Variants in PTPRC observed in about 807,000 individuals in gnomAD.
The protein encoded by PTPRC is protein tyrosine phosphatase receptor type C, also known as receptor-type tyrosine-protein phosphatase C.
PTPRC carries 44 observed loss-of-function variants against 155.9 expected under a neutral mutation model. That is an observed-to-expected ratio of 0.28 (90% CI 0.22 to 0.36). PTPRC has a LOEUF of 0.36. Among genes scored for constraint, PTPRC ranks in the 10% least tolerant of loss-of-function variants. The probability of loss-of-function intolerance (pLI) is 1.00; values close to 1 mark genes in which losing one functional copy is unlikely to be tolerated. For missense variants in PTPRC, 1,401 were observed against 1,564.6 expected (o/e 0.90, Z 1.76); for synonymous variants, 525 against 533.1 (o/e 0.98, Z 0.21).
At chr1:198,651,874 G>C (rs868063872) in intron 2 of PTPRC, among the ~76,000 whole-genome samples, 1 of 151,666 alleles carries the variant, frequency 6.6e-6, no homozygotes, top group Non-Finnish European at 1.5e-5. Context: ...TGAGTGTCTC[G>C]TGTGCCTGGC....
intron 2 of PTPRC, among the ~76,000 whole-genome samples, chr1:198,662,839 T>C (rs1664055103): frequency 6.6e-6 from 1 of 152,194 alleles, no homozygotes; most frequent in African/African-American, 2.4e-5. Flanking sequence ...AATGTTTTCA[T>C]AGGAATCATG....
At chr1:198,691,847 A>G (rs1043283743) in intron 2 of PTPRC, among the ~76,000 whole-genome samples, 6 of 152,066 alleles carry the variant, frequency 3.9e-5, no homozygotes, top group Non-Finnish European at 8.8e-5. Context: ...CACATTCTGT[A>G]TCACCTGTCA....
At chr1:198,737,182 CT>C (rs1654683692) in intron 23 of PTPRC, among the ~76,000 whole-genome samples, 1 of 151,602 alleles carries the variant, frequency 6.6e-6, no homozygotes, top group Admixed American at 6.6e-5. Flanking sequence ...TATACAGAAG[CT>C]TTCTAACTTG....
At chr1:198,745,613 T>C (rs1245626470) in intron 26 of PTPRC, among the ~76,000 whole-genome samples, 1 of 151,790 alleles carries the variant, frequency 6.6e-6, no homozygotes, top group African/African-American at 2.4e-5. Flanking sequence ...ACCTGAAATT[T>C]ATGATTATAA....
At chr1:198,726,986 C>G (rs931383178) in intron 15 of PTPRC, among the ~76,000 whole-genome samples, 1 of 151,788 alleles carries the variant, frequency 6.6e-6, no homozygotes, top group Non-Finnish European at 1.5e-5. Flanking sequence ...CCTTAGCCTC[C>G]CAAGTAGTTG....
intron 4 of PTPRC, among the ~76,000 whole-genome samples, chr1:198,699,031 G>T (rs550602269): frequency 1.2e-3 from 178 of 152,236 alleles, no homozygotes; most frequent in African/African-American, 4.1e-3. Context: ...AACTCTGCCA[G>T]TATGCTAGTT....
chr1:198,694,612 C>T (rs145878837), intron 3 of PTPRC: 1 of 985,922 alleles, frequency 1.0e-6, no homozygotes, highest in African/African-American at 1.7e-5. Flanking sequence ...AGCAGGCAGA[C>T]ACCAGAATTG....
intron 26 of PTPRC, among the ~76,000 whole-genome samples, chr1:198,746,343 A>T (rs968198382): frequency 6.6e-6 from 1 of 151,802 alleles, no homozygotes; most frequent in African/African-American, 2.4e-5. Context: ...ATCAAGGAGA[A>T]CACGTATCTT....
chr1:198,659,226 C>T (rs190350869), intron 2 of PTPRC, among the ~76,000 whole-genome samples: 1 of 152,198 alleles, frequency 6.6e-6, no homozygotes, highest in African/African-American at 2.4e-5. Flanking sequence ...TTGATTTCTG[C>T]CTTGTTCTCT....
At chr1:198,717,833 A>G (rs1653668819) in intron 13 of PTPRC, among the ~76,000 whole-genome samples, 1 of 151,710 alleles carries the variant, frequency 6.6e-6, no homozygotes, top group Non-Finnish European at 1.5e-5. Flanking sequence ...CTATTCTCTA[A>G]TTCTACACAG....
chr1:198,754,593 T>C (rs942402935), intron 32 of PTPRC, 189 bp downstream of exon 32: 2 of 665,788 alleles, frequency 3.0e-6, no homozygotes, highest in Admixed American at 3.3e-5. Flanking sequence ...ATTAAATTAT[T>C]ATAAGTCTAA....
At chr1:198,755,575 C>T (rs1171359808) in intron 32 of PTPRC, among the ~76,000 whole-genome samples, 1 of 151,908 alleles carries the variant, frequency 6.6e-6, no homozygotes, top group African/African-American at 2.4e-5. Context: ...TGATTCCTGC[C>T]CTGATTCTTA....
At chr1:198,723,934 G>T (rs963717189) in intron 15 of PTPRC, among the ~76,000 whole-genome samples, 7 of 152,154 alleles carry the variant, frequency 4.6e-5, no homozygotes, top group Admixed American at 6.5e-5. Flanking sequence ...GCCAACAGGG[G>T]TGTGCTCAGT....
chr1:198,718,921 ATATT>A (rs1653738489), intron 14 of PTPRC, among the ~76,000 whole-genome samples: 1 of 152,154 alleles, frequency 6.6e-6, no homozygotes, highest in South Asian at 2.1e-4. Context: ...TCTATGTTAA[ATATT>A]TAACTACTAT....
chr1:198,678,118 AT>A (rs976760208), intron 2 of PTPRC, among the ~76,000 whole-genome samples: 1 of 152,186 alleles, frequency 6.6e-6, no homozygotes, highest in Admixed American at 6.5e-5. Flanking sequence ...TGCTCAAAGT[AT>A]TTTTACTGTG....
chr1:198,723,502 T>A lies in PTPRC; in HGVS notation c.1720+1026T>A, dbSNP rs191015960. Among the ~76,000 whole-genome samples, 7 of 152,350 alleles carry A rather than the reference T, an allele frequency of 4.6e-5. No individual in the cohort carries two copies. The East Asian group carries it at 1.3e-3, about 29-fold the overall frequency. On this transcript the variant is annotated intron_variant, in intron 15 of 32. Coordinates refer to ENST00000442510, the MANE Select transcript of PTPRC (RefSeq NM_002838.5). ...TGAAATAAAAACTCCCTGTGTTAAA[T>A]GTCAAAAAAGTCCAGCAAGATAGCT...
At chr1:198,695,102 A>G (rs1666129900) in intron 3 of PTPRC, 2 of 911,746 alleles carry the variant, frequency 2.2e-6, no homozygotes, top group African/African-American at 3.6e-5. Context: ...GTTCAATTGA[A>G]TTTTATCTGT....
chr1:198,729,853 G>A (rs116818195), intron 17 of PTPRC, among the ~76,000 whole-genome samples: 45 of 152,168 alleles, frequency 3.0e-4, no homozygotes, highest in African/African-American at 1.1e-3. Context: ...GCAGAAATCT[G>A]GTCTGTTAAG....
chr1:198,732,885 G>A (rs541019055), intron 20 of PTPRC, among the ~76,000 whole-genome samples: 11 of 151,882 alleles, frequency 7.2e-5, no homozygotes, highest in Admixed American at 2.6e-4. Context: ...GCCATGTGCC[G>A]TATAGGTGAG....
Sources: allele counts gnomAD v4.1 joint callset (sites outside exome capture counted in the v4.1 genomes callset), GRCh38; gene constraint gnomAD v4.1.1; transcripts MANE v1.5; gene names NCBI Gene and HGNC (gene_info 2026-07-23, HGNC 2026-07-21).